Variants in ENOX1 observed in about 807,000 individuals in gnomAD.
The protein encoded by ENOX1 is candidate growth-related and time keeping constitutive hydroquinone (NADH) oxidase.
ENOX1 carries 42 observed loss-of-function variants against 82.5 expected under a neutral mutation model. The ratio of observed to expected loss-of-function variants is 0.51; its 90% CI spans 0.40 to 0.66. The LOEUF is 0.66. Ranked by LOEUF, ENOX1 falls within the 30% of genes least tolerant of loss-of-function variation. The pLI is 0.00. For synonymous variants in ENOX1, 271 were observed against 282.2 expected (o/e 0.96, Z 0.40); for missense variants, 608 against 811.6 (o/e 0.75, Z 3.05).
chr13:43,300,913 G>A lies in ENOX1; in HGVS notation c.1262-2383C>T, dbSNP rs150225373. ...TCAGAAATTATCCAGCACATAACCC[G>A]CAGCATGAGCCAGTGCTTTTTAACA... On this transcript the variant is annotated intron_variant, in intron 11 of 16. Transcript: ENST00000690772. 5.9e-4 allele frequency among the ~76,000 whole-genome samples: 89 copies of A among 150,260 alleles called. 1 individual carries two copies. The highest frequency in any genetic ancestry group is 3.5e-3 in the Admixed American group (53 of 15,206).
chr13:43,594,486 T>C (rs1835552813), intron 2 of ENOX1, among the ~76,000 whole-genome samples: 1 of 152,192 alleles, frequency 6.6e-6, no homozygotes, highest in African/African-American at 2.4e-5. Context: ...AAAGGCTAAT[T>C]AGTTATTTTG....
intron 15 of ENOX1, 127 bp from the exon 16 acceptor site, chr13:43,224,265 C>A (rs2041929030): frequency 1.4e-6 from 1 of 701,552 alleles, no homozygotes; most frequent in South Asian, 1.8e-5. Context: ...TCTAGCAGCA[C>A]TCAACAAGCA....
At chr13:43,490,030 C>T (rs573861000) in intron 2 of ENOX1, among the ~76,000 whole-genome samples, 8 of 152,168 alleles carry the variant, frequency 5.3e-5, no homozygotes, top group Non-Finnish European at 1.0e-4. Context: ...CCTCCACCTC[C>T]TGGGTTCAAG....
chr13:43,614,839 T>C (rs1020815266), intron 2 of ENOX1, among the ~76,000 whole-genome samples: 9 of 152,174 alleles, frequency 5.9e-5, no homozygotes, highest in African/African-American at 2.2e-4. Flanking sequence ...ACATACAAAA[T>C]GTGGTCTGAG....
At position 43,616,202 on chromosome 13, in the gene ENOX1, ATAT is replaced by A. The variant is rs1450858600; in HGVS notation, c.-219+51274_-219+51276del. On this transcript the variant is annotated intron_variant, in intron 2 of 16. Transcript: ENST00000690772. ...TCTATCTATCTATATATATATATAT[ATAT>A]TTTTTTTTTTTTTTTAGGACGGAGT... Among the ~76,000 whole-genome samples the A allele has an allele frequency of 7.3e-4, 30 of 41,232 alleles. 2 individuals carry two copies. The highest frequency in any genetic ancestry group is 2.2e-3 in the African/African-American group (28 of 12,804). 27.0% of individuals were successfully genotyped at this position (41,232 alleles called of 152,430 possible).
intron 2 of ENOX1, among the ~76,000 whole-genome samples, chr13:43,584,898 C>T (rs2080908879): frequency 6.6e-6 from 1 of 152,204 alleles, no homozygotes; most frequent in South Asian, 2.1e-4. Flanking sequence ...AGATACCCAG[C>T]TGTCCCAGTT....
At position 43,529,122 on chromosome 13, in the gene ENOX1, G is replaced by A. The variant is rs1464425466; in HGVS notation, c.-218-44970C>T. On this transcript the variant is annotated intron_variant, in intron 2 of 16. Transcript: ENST00000690772. Reference sequence around the variant, plus strand: ...TCCATCCTTAGTTTCACTTTTTTGCGCTTTAGTTACCCACAGTCAACCACA... The same window carrying A: ...TCCATCCTTAGTTTCACTTTTTTGCACTTTAGTTACCCACAGTCAACCACA... Among the ~76,000 whole-genome samples, 11 of 151,868 alleles carry A rather than the reference G, an allele frequency of 7.2e-5. No individual in the cohort carries two copies. In the South Asian group the frequency reaches 1.2e-3, roughly 17 times the overall value.
At chr13:43,399,561 C>T (rs1465026309) in intron 5 of ENOX1, among the ~76,000 whole-genome samples, 1 of 152,236 alleles carries the variant, frequency 6.6e-6, no homozygotes, top group Non-Finnish European at 1.5e-5. Flanking sequence ...GAGGGTAACA[C>T]AAACTAACAC....
At chr13:43,783,200 A>C (rs939781930) in intron 1 of ENOX1, among the ~76,000 whole-genome samples, 4 of 152,214 alleles carry the variant, frequency 2.6e-5, no homozygotes, top group African/African-American at 9.6e-5. Context: ...TGGGCTTCCC[A>C]GTTTAGGGAA....
At chr13:43,631,416 G>C (rs564452337) in intron 2 of ENOX1, among the ~76,000 whole-genome samples, 4 of 152,120 alleles carry the variant, frequency 2.6e-5, no homozygotes, top group Non-Finnish European at 5.9e-5. Flanking sequence ...TCCTGTCAGT[G>C]GTGCGGCCAG....
chr13:43,625,895 G>A (rs1220806406), intron 2 of ENOX1, among the ~76,000 whole-genome samples: 2 of 151,820 alleles, frequency 1.3e-5, no homozygotes, highest in African/African-American at 4.8e-5. Flanking sequence ...CTATTTTCTG[G>A]AAGAGACTCT....
chr13:43,734,068 C>T (rs1478088416), intron 1 of ENOX1, among the ~76,000 whole-genome samples: 1 of 152,150 alleles, frequency 6.6e-6, no homozygotes, highest in African/African-American at 2.4e-5. Context: ...CCAAGGAAAG[C>T]CTCAAGGACT....
intron 3 of ENOX1, among the ~76,000 whole-genome samples, chr13:43,472,224 A>C (rs2153648635): frequency 6.6e-6 from 1 of 152,310 alleles, no homozygotes; most frequent in East Asian, 1.9e-4. Context: ...TAAATGTTTT[A>C]GCTACTATTT....
intron 5 of ENOX1, among the ~76,000 whole-genome samples, chr13:43,408,021 A>T (rs1157037677): frequency 6.6e-6 from 1 of 152,230 alleles, no homozygotes; most frequent in African/African-American, 2.4e-5. Context: ...TATATTTGGG[A>T]TAAAAGGAAC....
chr13:43,227,113 A>T (rs903421775), intron 15 of ENOX1, among the ~76,000 whole-genome samples: 5 of 152,184 alleles, frequency 3.3e-5, no homozygotes, highest in Admixed American at 2.6e-4. Context: ...GAATAGAACA[A>T]GTCAGAGGAG....
rs990210419 is a variant in ENOX1, at chr13:43,451,195, G to A, written c.-75+32814C>T. Among the ~76,000 whole-genome samples the A allele has an allele frequency of 7.2e-5, 11 of 152,260 alleles. No homozygotes were observed. In the South Asian group the frequency reaches 1.0e-3, roughly 14 times the overall value. ...TACCGAGTCTTACCTTGGACCAGAC[G>A]CTGCAAGGCACTGAATATATATACT... is the stretch of plus-strand genomic sequence containing the variant. On this transcript the variant is annotated intron_variant, in intron 3 of 16. Transcript: ENST00000690772.
At chr13:43,727,080 C>G (rs1025089437) in intron 1 of ENOX1, among the ~76,000 whole-genome samples, 1 of 152,168 alleles carries the variant, frequency 6.6e-6, no homozygotes, top group Non-Finnish European at 1.5e-5. Context: ...CCCTGCACTT[C>G]TTAGTGTTTG....
chr13:43,714,277 G>T (rs1004972306), intron 1 of ENOX1, among the ~76,000 whole-genome samples: 2 of 152,160 alleles, frequency 1.3e-5, no homozygotes, highest in Non-Finnish European at 2.9e-5. Context: ...TGGTCTGAGA[G>T]ATAGTTTGTT....
chr13:43,237,972 T>C (rs764130173), intron 14 of ENOX1, among the ~76,000 whole-genome samples: 8 of 152,242 alleles, frequency 5.3e-5, no homozygotes, highest in Non-Finnish European at 1.2e-4. Flanking sequence ...GAGGCTCCAC[T>C]TAAGGTCCCA....
Sources: allele counts gnomAD v4.1 joint callset (sites outside exome capture counted in the v4.1 genomes callset), GRCh38; gene constraint gnomAD v4.1.1; transcripts MANE v1.5; gene names NCBI Gene and HGNC (gene_info 2026-07-23, HGNC 2026-07-21).